The following SH3GL2 variants were observed in gnomAD, a reference collection of about 807,000 sequenced individuals.
SH3GL2 encodes endophilin-A1.
In SH3GL2, 24 loss-of-function variants were observed where a neutral mutation model predicts 46.0. That is an observed-to-expected ratio of 0.52 (90% CI 0.38 to 0.73). The LOEUF is 0.73. Ranked by LOEUF, SH3GL2 falls within the 30% of genes least tolerant of loss-of-function variation. The pLI is 0.00. For synonymous variants in SH3GL2, 196 were observed against 147.1 expected, an observed-to-expected ratio of 1.33 and a Z score of -2.40; for missense variants, 413 against 424.2, an observed-to-expected ratio of 0.97 and a Z score of 0.23.
intron 3 of SH3GL2, among the ~76,000 whole-genome samples, chr9:17,776,664 C>A (rs1823647703): frequency 1.4e-5 from 1 of 73,686 alleles, no homozygotes; most frequent in Admixed American, 1.3e-4. Context: ...TCAAAATGTC[C>A]CATCTTTTTT....
At chr9:17,722,923 T>A (rs1031594971) in intron 1 of SH3GL2, among the ~76,000 whole-genome samples, 2 of 152,154 alleles carry the variant, frequency 1.3e-5, no homozygotes, top group African/African-American at 4.8e-5. Flanking sequence ...TTATCTCAGC[T>A]TCACTGCTGA....
intron 3 of SH3GL2, among the ~76,000 whole-genome samples, chr9:17,771,520 C>G (rs949469065): frequency 2.0e-5 from 3 of 152,188 alleles, no homozygotes; most frequent in African/African-American, 4.8e-5. Context: ...TACCACCACC[C>G]TCTATTTGCT....
intron 1 of SH3GL2, among the ~76,000 whole-genome samples, chr9:17,602,302 A>G (rs1185323851): frequency 6.6e-6 from 1 of 152,194 alleles, no homozygotes; most frequent in Non-Finnish European, 1.5e-5. Context: ...ATTCTGTCCA[A>G]AAGGCGAAAG....
intron 1 of SH3GL2, among the ~76,000 whole-genome samples, chr9:17,733,873 A>G (rs1170107848): frequency 1.2e-5 from 1 of 83,424 alleles, no homozygotes; most frequent in Non-Finnish European, 3.0e-5. Flanking sequence ...CGCAAGAACA[A>G]AAAAACCAAA....
chr9:17,666,976 C>T (rs146408632), intron 1 of SH3GL2, among the ~76,000 whole-genome samples: 264 of 152,018 alleles, frequency 1.7e-3, no homozygotes, highest in Non-Finnish European at 2.8e-3. Context: ...GGTATTGCAG[C>T]GTAGTTGTCA....
At chr9:17,765,899 G>A (rs927383379) in intron 3 of SH3GL2, among the ~76,000 whole-genome samples, 2 of 152,186 alleles carry the variant, frequency 1.3e-5, no homozygotes, top group African/African-American at 4.8e-5. Context: ...TGGAATAAAT[G>A]AATTATGAAG....
At chr9:17,658,858 A>T (rs7856139) in intron 1 of SH3GL2, among the ~76,000 whole-genome samples, 7,805 of 152,294 alleles carry the variant, frequency 0.051, 680 homozygotes, top group African/African-American at 0.18. Flanking sequence ...GTACCAGAAA[A>T]TCTGCCCTGG....
intron 1 of SH3GL2, among the ~76,000 whole-genome samples, chr9:17,741,777 A>G (rs968982292): frequency 6.6e-6 from 1 of 152,198 alleles, no homozygotes; most frequent in African/African-American, 2.4e-5. Flanking sequence ...CTTACAATTC[A>G]TATGAGCAAA....
intron 1 of SH3GL2, among the ~76,000 whole-genome samples, chr9:17,718,439 C>T (rs945710140): frequency 4.6e-5 from 7 of 152,138 alleles, no homozygotes; most frequent in Non-Finnish European, 1.0e-4. Context: ...AATGCAGATT[C>T]TGGCCAGGTG....
intron 1 of SH3GL2, among the ~76,000 whole-genome samples, chr9:17,706,385 A>G (rs1006100191): frequency 1.1e-4 from 17 of 152,072 alleles, no homozygotes; most frequent in Non-Finnish European, 2.2e-4. Context: ...TTTTCTCCAC[A>G]TTGCCTGTGA....
chr9:17,694,214 G>A (rs1344279895), intron 1 of SH3GL2, among the ~76,000 whole-genome samples: 3 of 152,098 alleles, frequency 2.0e-5, no homozygotes, highest in African/African-American at 7.2e-5. Context: ...CAGTTCCACA[G>A]GCTGTCCAGG....
intron 3 of SH3GL2, among the ~76,000 whole-genome samples, chr9:17,777,668 A>T (rs972539110): frequency 1.3e-5 from 2 of 152,016 alleles, no homozygotes; most frequent in African/African-American, 2.4e-5. Context: ...TCCTCATGTA[A>T]CCTTTTCGTG....
chr9:17,738,709 T>G (rs1275243553), intron 1 of SH3GL2, among the ~76,000 whole-genome samples: 1 of 150,794 alleles, frequency 6.6e-6, no homozygotes, highest in Non-Finnish European at 1.5e-5. Context: ...CATGTGATTA[T>G]GTTTGACAAG....
intron 6 of SH3GL2, among the ~76,000 whole-genome samples, chr9:17,790,044 G>T (rs1425379147): frequency 6.6e-6 from 1 of 152,176 alleles, no homozygotes; most frequent in Non-Finnish European, 1.5e-5. Flanking sequence ...GAACTCAGTT[G>T]TGGAGCAGGG....
intron 1 of SH3GL2, among the ~76,000 whole-genome samples, chr9:17,648,514 C>G (rs1819880925): frequency 6.6e-6 from 1 of 152,094 alleles, no homozygotes; most frequent in African/African-American, 2.4e-5. Context: ...TCAAAAACAT[C>G]CAGGGTTTAT....
intron 1 of SH3GL2, among the ~76,000 whole-genome samples, chr9:17,735,405 T>C (rs1822303119): frequency 6.6e-6 from 1 of 152,140 alleles, no homozygotes; most frequent in Admixed American, 6.5e-5. Flanking sequence ...TCCCTATATA[T>C]TTGTGTTTGT....
chr9:17,672,156 C>T (rs569294333), intron 1 of SH3GL2, among the ~76,000 whole-genome samples: 2 of 152,136 alleles, frequency 1.3e-5, no homozygotes, highest in South Asian at 2.1e-4. Flanking sequence ...CTTAAGCTGT[C>T]GATGTTGAAT....
chr9:17,728,758 GA>G (rs1822092562), intron 1 of SH3GL2, among the ~76,000 whole-genome samples: 1 of 152,098 alleles, frequency 6.6e-6, no homozygotes, highest in Admixed American at 6.6e-5. Flanking sequence ...GGTTTGCTGA[GA>G]ATGATGGTTT....
chr9:17,664,973 T>G (rs1339691225), intron 1 of SH3GL2, among the ~76,000 whole-genome samples: 1 of 152,134 alleles, frequency 6.6e-6, no homozygotes, highest in African/African-American at 2.4e-5. Context: ...TTTCTTTTAA[T>G]TTTAAAATGA....
Sources: gnomAD v4.1 joint callset for allele counts (sites outside exome capture counted in the v4.1 genomes callset) on GRCh38, gnomAD v4.1.1 for gene constraint, MANE v1.5 for transcripts, NCBI Gene and HGNC (gene_info 2026-07-23, HGNC 2026-07-21) for gene names.